Variants in RIN2 observed in about 807,000 individuals in gnomAD.
RIN2 encodes the protein Ras and Rab interactor 2.
RIN2 carries 36 observed loss-of-function variants against 78.0 expected under a neutral mutation model. The observed-to-expected ratio is 0.46, with a 90% confidence interval of 0.35 to 0.61. RIN2 has a LOEUF of 0.61. Ranked by LOEUF, RIN2 falls within the 20% of genes least tolerant of loss-of-function variation. The pLI is 0.00. For missense variants in RIN2, 1,087 were observed against 1,159.7 expected (o/e 0.94, Z 0.91); for synonymous variants, 466 against 466.8 (o/e 1.00, Z 0.02).
At chr20:19,915,198 T>G (rs2039633934) in intron 3 of RIN2, among the ~76,000 whole-genome samples, 1 of 152,026 alleles carries the variant, frequency 6.6e-6, no homozygotes, top group Non-Finnish European at 1.5e-5. Flanking sequence ...TCACAGAAAG[T>G]TCATGTGGGA....
chr20:19,766,866 C>T (rs901251652), intron 1 of RIN2, among the ~76,000 whole-genome samples: 6 of 150,238 alleles, frequency 4.0e-5, no homozygotes, highest in African/African-American at 7.4e-5. Flanking sequence ...GAGCTGAGAT[C>T]GCGCCACTGC....
intron 3 of RIN2, chr20:19,934,430 G>A: frequency 1.0e-6 from 1 of 975,712 alleles, no homozygotes; most frequent in Non-Finnish European, 1.2e-6. Context: ...AGATGCAGGT[G>A]CATGGATAGG....
chr20:19,906,313 G>C (rs111767567), intron 3 of RIN2, among the ~76,000 whole-genome samples: 3,875 of 152,272 alleles, frequency 0.025, 155 homozygotes, highest in African/African-American at 0.087. Context: ...GCCAGGCATG[G>C]TGGCATGCAC....
At chr20:19,934,698 GGGGTT>G in intron 3 of RIN2, 9 of 792,846 alleles carry the variant, frequency 1.1e-5, no homozygotes, top group Non-Finnish European at 1.2e-5. Context: ...TCCTTCAAAG[GGGGTT>G]CCTTTGGAGG....
chr20:19,901,264 G>A (rs2038969053), intron 3 of RIN2, among the ~76,000 whole-genome samples: 2 of 152,154 alleles, frequency 1.3e-5, no homozygotes, highest in South Asian at 2.1e-4. Flanking sequence ...AACTCTGCAA[G>A]CCTTGGTGTT....
chr20:19,854,680 TTGTC>T (rs1176310678), intron 2 of RIN2, among the ~76,000 whole-genome samples: 1 of 152,182 alleles, frequency 6.6e-6, no homozygotes, highest in Non-Finnish European at 1.5e-5. Context: ...GGCTCTCTGT[TTGTC>T]TGTTATTGGT....
intron 9 of RIN2, among the ~76,000 whole-genome samples, chr20:19,976,380 C>G (rs1001701788): frequency 3.3e-5 from 5 of 152,322 alleles, no homozygotes; most frequent in Non-Finnish European, 7.3e-5. Flanking sequence ...GGCTCCTCAT[C>G]CCATACACTT....
rs770609415 is a variant in RIN2, at chr20:19,886,731, G to T, written c.-36-2835G>T. On this transcript the variant is annotated intron_variant, in intron 2 of 12. Transcript: ENST00000255006. ...TTCAGGGAAGCCAGGAAAAGAACAA[G>T]CTTCCAACCGGTACAAGTCTGGAGG... 4 of 1,546,604 alleles carry T rather than the reference G, an allele frequency of 2.6e-6. No individual in the cohort carries two copies. The highest frequency in any genetic ancestry group is 2.6e-6 in the Non-Finnish European group (3 of 1,146,128).
chr20:19,903,110 A>T (rs2039058786), intron 3 of RIN2, among the ~76,000 whole-genome samples: 1 of 152,180 alleles, frequency 6.6e-6, no homozygotes, highest in Non-Finnish European at 1.5e-5. Flanking sequence ...TAAAATAAAT[A>T]AAAATAAAAT....
At chr20:19,772,002 G>A (rs1227027022) in intron 1 of RIN2, among the ~76,000 whole-genome samples, 1 of 152,098 alleles carries the variant, frequency 6.6e-6, no homozygotes, top group Non-Finnish European at 1.5e-5. Context: ...CCTGCATGCC[G>A]ACTGTAGGCT....
chr20:19,993,302 T>A (rs977233579), intron 11 of RIN2, among the ~76,000 whole-genome samples: 2 of 151,918 alleles, frequency 1.3e-5, no homozygotes, highest in African/African-American at 4.8e-5. Flanking sequence ...AGTTTCAGTC[T>A]GGGCTTGAGT....
chr20:19,762,223 A>C (rs2122294077), intron 1 of RIN2, among the ~76,000 whole-genome samples: 1 of 152,256 alleles, frequency 6.6e-6, no homozygotes, highest in East Asian at 1.9e-4. Context: ...GGTATTTTTA[A>C]ATCAGAGTTT....
At chr20:19,853,094 C>G (rs1189663779) in intron 2 of RIN2, among the ~76,000 whole-genome samples, 7 of 146,842 alleles carry the variant, frequency 4.8e-5, no homozygotes, top group Non-Finnish European at 1.0e-4. Context: ...CATGTGTTCT[C>G]ATTGTTCAAT....
chr20:19,765,191 T>G (rs2122335310), intron 1 of RIN2, among the ~76,000 whole-genome samples: 1 of 152,236 alleles, frequency 6.6e-6, no homozygotes, highest in South Asian at 2.1e-4. Flanking sequence ...CCAAATCTTC[T>G]TGGCAAATTC....
chr20:19,962,440 G>T (rs936872490), intron 6 of RIN2, among the ~76,000 whole-genome samples: 1 of 152,218 alleles, frequency 6.6e-6, no homozygotes, highest in Non-Finnish European at 1.5e-5. Context: ...TCTTCCAGAA[G>T]TGTGGGCAAT....
intron 7 of RIN2, among the ~76,000 whole-genome samples, chr20:19,967,881 T>C (rs1024778152): frequency 1.4e-4 from 21 of 152,178 alleles, no homozygotes; most frequent in Admixed American, 6.5e-5. Context: ...CATACATACA[T>C]ATTTCTAATC....
chr20:19,834,670 G>A (rs946426820), intron 2 of RIN2, among the ~76,000 whole-genome samples: 4 of 152,020 alleles, frequency 2.6e-5, no homozygotes, highest in South Asian at 4.2e-4. Flanking sequence ...AATGATCTTC[G>A]GTCTTTTTAG....
At chr20:19,912,662 A>G (rs2039525220) in intron 3 of RIN2, among the ~76,000 whole-genome samples, 1 of 151,534 alleles carries the variant, frequency 6.6e-6, no homozygotes, top group Admixed American at 6.6e-5. Flanking sequence ...TATTTTTAGT[A>G]GAGACGGGGT....
chr20:19,819,521 A>C (rs951025837), intron 2 of RIN2, among the ~76,000 whole-genome samples: 13 of 152,352 alleles, frequency 8.5e-5, no homozygotes, highest in African/African-American at 3.1e-4. Context: ...GTGTTGTTTT[A>C]ATATTTACAA....
Sources: allele counts gnomAD v4.1 joint callset (sites outside exome capture counted in the v4.1 genomes callset), GRCh38; gene constraint gnomAD v4.1.1; transcripts MANE v1.5; gene names NCBI Gene and HGNC (gene_info 2026-07-23, HGNC 2026-07-21).